TMSB15B: variants seen among roughly 807,000 people sequenced by gnomAD.
TMSB15B encodes the protein thymosin beta 15B.
At chrX:103,932,040 T>A (rs1556320030) in intron 1 of TMSB15B, 1 of 112,250 alleles carries the variant, frequency 8.9e-6, no homozygotes, top group Non-Finnish European at 1.9e-5. Context: ...TCTGAGCCCC[T>A]TCCCCAGTAC....
intron 1 of TMSB15B, among the ~76,000 whole-genome samples, chrX:103,945,085 C>T (rs2075022004): frequency 8.8e-6 from 1 of 113,073 alleles, no homozygotes; most frequent in Non-Finnish European, 1.9e-5. Flanking sequence ...GCCAATATGA[C>T]TTTCTTAACA....
chrX:103,945,933 G>T (rs782678895), intron 1 of TMSB15B, among the ~76,000 whole-genome samples: 4 of 112,135 alleles, frequency 3.6e-5, no homozygotes, highest in African/African-American at 1.3e-4. Flanking sequence ...ATACAGAAAA[G>T]TATGAGATTG....
At chrX:103,950,757 A>G (rs2147825883) in intron 1 of TMSB15B, among the ~76,000 whole-genome samples, 1 of 110,641 alleles carries the variant, frequency 9.0e-6, no homozygotes, top group African/African-American at 3.3e-5. Context: ...TGTGTTATAT[A>G]ATAAAGATGA....
intron 1 of TMSB15B, among the ~76,000 whole-genome samples, chrX:103,925,250 C>T (rs2074964953): frequency 1.8e-5 from 2 of 112,195 alleles, no homozygotes; most frequent in Non-Finnish European, 3.8e-5. Context: ...CAAGGTCACA[C>T]AATTAAGTAA....
intron 1 of TMSB15B, among the ~76,000 whole-genome samples, chrX:103,952,405 G>A (rs2075041137): frequency 9.0e-6 from 1 of 111,497 alleles, no homozygotes; most frequent in South Asian, 3.8e-4. Context: ...CAGCAATGAG[G>A]AGCAGTAAAG....
At chrX:103,929,912 C>T (rs1166850717) in intron 1 of TMSB15B, among the ~76,000 whole-genome samples, 3 of 109,894 alleles carry the variant, frequency 2.7e-5, no homozygotes, top group Non-Finnish European at 5.7e-5. Context: ...TACATGTGCA[C>T]AATGTGCAGG....
At chrX:103,936,681 G>T (rs1556322012) in intron 1 of TMSB15B, among the ~76,000 whole-genome samples, 1 of 111,926 alleles carries the variant, frequency 8.9e-6, no homozygotes, top group Non-Finnish European at 1.9e-5. Flanking sequence ...TTCCAATACT[G>T]TGTTGAATAG....
At chrX:103,952,962 C>T (rs782413156) in intron 1 of TMSB15B, among the ~76,000 whole-genome samples, 9 of 111,927 alleles carry the variant, frequency 8.0e-5, no homozygotes, top group South Asian at 3.8e-4. Context: ...CTAGTGTGCA[C>T]GGCTGTCATG....
intron 1 of TMSB15B, among the ~76,000 whole-genome samples, chrX:103,927,733 T>C (rs1556319109): frequency 1.4e-4 from 15 of 109,244 alleles, no homozygotes. Flanking sequence ...CACAGTTTTA[T>C]GTCGTGAAAG....
intron 1 of TMSB15B, among the ~76,000 whole-genome samples, chrX:103,935,509 A>C (rs2074995144): frequency 9.0e-6 from 1 of 111,635 alleles, no homozygotes; most frequent in African/African-American, 3.3e-5. Context: ...AATTCGAGTT[A>C]ATTTTTGTAT....
chrX:103,929,546 G>A (rs782638362), intron 1 of TMSB15B, among the ~76,000 whole-genome samples: 2,215 of 111,497 alleles, frequency 0.02, 66 homozygotes, highest in African/African-American at 0.069. Flanking sequence ...CTACTTTCAG[G>A]GTAGCAGCTG....
chrX:103,919,191 C>T (rs1436781961), exon 1 of TMSB15B: 2 of 113,374 alleles, frequency 1.8e-5, no homozygotes, highest in Non-Finnish European at 3.7e-5. Flanking sequence ...GCTAGCAAGA[C>T]TCGGGAGCTG....
At chrX:103,937,135 T>A (rs1256014753) in intron 1 of TMSB15B, among the ~76,000 whole-genome samples, 3 of 112,045 alleles carry the variant, frequency 2.7e-5, no homozygotes, top group Non-Finnish European at 5.6e-5. Context: ...ATTTTCTTTT[T>A]TTGTTGTGTC....
At chrX:103,920,320 C>T (rs782706148) in intron 1 of TMSB15B, among the ~76,000 whole-genome samples, 10 of 111,545 alleles carry the variant, frequency 9.0e-5, no homozygotes, top group Non-Finnish European at 1.1e-4. Flanking sequence ...ATGCAGATTC[C>T]TGGGCCTTAC....
chrX:103,949,949 G>C (rs1230226115), intron 1 of TMSB15B, among the ~76,000 whole-genome samples: 3 of 111,722 alleles, frequency 2.7e-5, no homozygotes, highest in Non-Finnish European at 5.6e-5. Context: ...AGATGAGAGA[G>C]TGTGGTGTCC....
At chrX:103,926,644 C>T (rs1556318873) in intron 1 of TMSB15B, among the ~76,000 whole-genome samples, 1 of 110,510 alleles carries the variant, frequency 9.0e-6, no homozygotes, top group African/African-American at 3.3e-5. Context: ...CTGGCAGCCC[C>T]GGGAAGGCTG....
intron 1 of TMSB15B, among the ~76,000 whole-genome samples, chrX:103,933,886 A>G (rs1191493935): frequency 9.9e-6 from 1 of 100,680 alleles, no homozygotes; most frequent in East Asian, 3.1e-4. Context: ...ATAATTGTAT[A>G]TGTTTCTGGG....
chrX:103,948,694 T>C (rs1180605311), intron 1 of TMSB15B, among the ~76,000 whole-genome samples: 1 of 112,300 alleles, frequency 8.9e-6, no homozygotes, highest in Non-Finnish European at 1.9e-5. Context: ...AAAGAAGAAG[T>C]TGTAGAAGAT....
chrX:103,931,534 G>A (rs2074984918), intron 1 of TMSB15B: 1 of 111,491 alleles, frequency 9.0e-6, no homozygotes, highest in Non-Finnish European at 1.9e-5. Flanking sequence ...AGTATTCCTC[G>A]ATTCAATGTT....
Sources: gnomAD v4.1 joint callset for allele counts (sites outside exome capture counted in the v4.1 genomes callset) on GRCh38, gnomAD v4.1.1 for gene constraint, MANE v1.5 for transcripts, NCBI Gene and HGNC (gene_info 2026-07-23, HGNC 2026-07-21) for gene names.